Variants in GRM1 observed in about 807,000 individuals in gnomAD.
GRM1 encodes the protein metabotropic glutamate receptor 1.
In GRM1, 33 loss-of-function variants were observed where a neutral mutation model predicts 90.9. That is an observed-to-expected ratio of 0.36 (90% CI 0.28 to 0.49). The LOEUF is 0.49. Among genes scored for constraint, GRM1 ranks in the 20% least tolerant of loss-of-function variants. GRM1 has a pLI of 0.99. For synonymous variants in GRM1, 700 were observed against 613.2 expected, an observed-to-expected ratio of 1.14 and a Z score of -2.09; for missense variants, 1,190 against 1,534.3, an observed-to-expected ratio of 0.78 and a Z score of 3.75.
chr6:146,249,820 C>G (rs768816149), intron 2 of GRM1, among the ~76,000 whole-genome samples: 3 of 152,146 alleles, frequency 2.0e-5, no homozygotes, highest in Non-Finnish European at 4.4e-5. Context: ...CAATGCCAGC[C>G]CATGAAAGCA....
intron 2 of GRM1, among the ~76,000 whole-genome samples, chr6:146,162,146 A>G (rs1448587193): frequency 6.6e-6 from 1 of 152,070 alleles, no homozygotes; most frequent in Non-Finnish European, 1.5e-5. Flanking sequence ...TTATCTACCA[A>G]ATGTTGAAGT....
At chr6:146,432,849 A>G (rs1324669950) in intron 7 of GRM1, among the ~76,000 whole-genome samples, 2 of 152,210 alleles carry the variant, frequency 1.3e-5, no homozygotes, top group Middle Eastern at 3.2e-3. Flanking sequence ...AGGCCACAGT[A>G]CATCTTCTTA....
intron 3 of GRM1, among the ~76,000 whole-genome samples, chr6:146,342,267 G>T (rs748536568): frequency 6.6e-6 from 1 of 152,176 alleles, no homozygotes; most frequent in African/African-American, 2.4e-5. Context: ...TTTGGTCTCT[G>T]TATTAACATC....
intron 2 of GRM1, among the ~76,000 whole-genome samples, chr6:146,236,509 C>A (rs556646372): frequency 6.6e-6 from 1 of 152,214 alleles, no homozygotes; most frequent in East Asian, 1.9e-4. Context: ...GGGGAACATT[C>A]TCTGGTATTC....
intron 7 of GRM1, among the ~76,000 whole-genome samples, chr6:146,433,290 T>G (rs894331602): frequency 6.6e-6 from 1 of 152,178 alleles, no homozygotes; most frequent in Non-Finnish European, 1.5e-5. Context: ...GTCATCTGCT[T>G]TTTTATGTTC....
chr6:146,293,033 T>C (rs1458657683), intron 2 of GRM1, among the ~76,000 whole-genome samples: 1 of 152,004 alleles, frequency 6.6e-6, no homozygotes, highest in East Asian at 1.9e-4. Context: ...TCATGTATTG[T>C]GTGATTACAT....
chr6:146,087,332 A>G (rs954514720), intron 1 of GRM1, among the ~76,000 whole-genome samples: 1 of 152,254 alleles, frequency 6.6e-6, no homozygotes, highest in African/African-American at 2.4e-5. Context: ...TTCCCCAGTG[A>G]TAAATACTAT....
At chr6:146,107,476 A>T (rs1321072764) in intron 1 of GRM1, among the ~76,000 whole-genome samples, 1 of 152,012 alleles carries the variant, frequency 6.6e-6, no homozygotes, top group African/African-American at 2.4e-5. Context: ...CCTGCAGGCA[A>T]TTGCAGCTTT....
intron 1 of GRM1, among the ~76,000 whole-genome samples, chr6:146,154,603 GA>G (rs766202656): frequency 3.9e-5 from 6 of 152,104 alleles, no homozygotes; most frequent in Non-Finnish European, 7.4e-5. Context: ...AAGGAAATAA[GA>G]AAGCTTCTTT....
chr6:146,317,010 G>A (rs907694927), intron 3 of GRM1, among the ~76,000 whole-genome samples: 2 of 152,136 alleles, frequency 1.3e-5, no homozygotes, highest in African/African-American at 2.4e-5. Context: ...TACAATTCTT[G>A]TTAGACAAGC....
intron 1 of GRM1, among the ~76,000 whole-genome samples, chr6:146,041,094 C>T (rs1582914336): frequency 6.6e-6 from 1 of 151,956 alleles, no homozygotes; most frequent in East Asian, 1.9e-4. Flanking sequence ...TTCTGTTTAA[C>T]TTTGTAAATT....
At chr6:146,376,273 G>C (rs980892761) in intron 5 of GRM1, among the ~76,000 whole-genome samples, 1 of 151,794 alleles carries the variant, frequency 6.6e-6, no homozygotes, top group Non-Finnish European at 1.5e-5. Context: ...ACTTTTGATT[G>C]GTTCATTATT....
chr6:146,393,122 A>G (rs1054534040), intron 6 of GRM1, among the ~76,000 whole-genome samples: 2 of 152,164 alleles, frequency 1.3e-5, no homozygotes, highest in Admixed American at 1.3e-4. Flanking sequence ...GTCTTCCACA[A>G]TGGTTGAACT....
chr6:146,360,421 A>G lies in GRM1; in HGVS notation c.1602+2727A>G, dbSNP rs77208338. On this transcript the variant is annotated intron_variant, in intron 5 of 7. Transcript: ENST00000282753. ...AATAATACTTTTTATTGTTGTGTGTAACCTTAGGGTCCACTCAGGAAAAAA... is the reference window on the plus strand; with the variant it reads ...AATAATACTTTTTATTGTTGTGTGTGACCTTAGGGTCCACTCAGGAAAAAA... Among the ~76,000 whole-genome samples, 1,504 of 152,224 alleles carry G rather than the reference A, an allele frequency of 9.9e-3. 20 individuals carry two copies. The highest frequency in any genetic ancestry group is 0.034 in the African/African-American group (1,431 of 41,538).
At chr6:146,179,795 G>T (rs530301272) in intron 2 of GRM1, among the ~76,000 whole-genome samples, 2 of 152,066 alleles carry the variant, frequency 1.3e-5, no homozygotes, top group Non-Finnish European at 2.9e-5. Context: ...GATTACAGGC[G>T]TGAGCCACCC....
chr6:146,222,827 T>C (rs572609431), intron 2 of GRM1, among the ~76,000 whole-genome samples: 2 of 152,196 alleles, frequency 1.3e-5, no homozygotes, highest in South Asian at 4.2e-4. Flanking sequence ...CAGAATGAGA[T>C]AATTGGAAGG....
chr6:146,388,210 C>T (rs760385007), intron 6 of GRM1, among the ~76,000 whole-genome samples: 6 of 151,942 alleles, frequency 3.9e-5, no homozygotes, highest in Non-Finnish European at 5.9e-5. Context: ...TCTAGCCCCT[C>T]GTCTTATCAT....
chr6:146,276,066 G>A (rs1413588745), intron 2 of GRM1, among the ~76,000 whole-genome samples: 1 of 152,034 alleles, frequency 6.6e-6, no homozygotes, highest in African/African-American at 2.4e-5. Flanking sequence ...AAGTATTTTA[G>A]ACTCTCTGCC....
intron 2 of GRM1, among the ~76,000 whole-genome samples, chr6:146,280,730 C>G (rs1319763258): frequency 6.6e-6 from 1 of 152,102 alleles, no homozygotes; most frequent in Non-Finnish European, 1.5e-5. Flanking sequence ...GCAATCCTCC[C>G]ACCTCAGCCT....
Sources: allele counts gnomAD v4.1 joint callset (sites outside exome capture counted in the v4.1 genomes callset), GRCh38; gene constraint gnomAD v4.1.1; transcripts MANE v1.5; gene names NCBI Gene and HGNC (gene_info 2026-07-23, HGNC 2026-07-21).